The following ARHGEF7 variants were observed in gnomAD, a reference collection of about 807,000 sequenced individuals.
The protein encoded by ARHGEF7 is PAK-interacting exchange factor beta.
A neutral mutation model predicts 109.8 loss-of-function variants in ARHGEF7; 33 were observed. The ratio of observed to expected loss-of-function variants is 0.30; its 90% CI spans 0.23 to 0.40. The LOEUF (loss-of-function observed/expected upper bound fraction) is 0.40. ARHGEF7 is among the 10% of genes least tolerant of loss of function. The pLI, the probability that ARHGEF7 is intolerant of heterozygous loss-of-function variation, is 1.00. For missense variants in ARHGEF7, 938 were observed against 1,098.5 expected, an observed-to-expected ratio of 0.85 and a Z score of 2.07; for synonymous variants, 458 against 424.6, an observed-to-expected ratio of 1.08 and a Z score of -0.97.
chr13:111,142,449 T>C (rs1478373524), intron 1 of ARHGEF7, among the ~76,000 whole-genome samples: 11 of 152,286 alleles, frequency 7.2e-5, no homozygotes, highest in Admixed American at 6.5e-5. Context: ...GCTACACATC[T>C]TATTCACAAC....
rs113099879 is a variant in ARHGEF7 at position 111,244,330 on chromosome 13, T to G, written c.950+36T>G. ...TGCTAAAAATTTGCAACACTCAGGT[T>G]GGTATAATTGGTATTTAAAGGATTA... On this transcript the variant is annotated intron_variant, in intron 8 of 21. Transcript: ENST00000646102. 4.3e-4 allele frequency: 514 copies of G among 1,192,682 alleles called. 2 individuals carry two copies. In the African/African-American group the frequency reaches 6.9e-3, roughly 16 times the overall value. The allele number at this position is 1,192,682 out of a possible 1,614,324, so 73.9% of individuals were successfully genotyped here.
chr13:111,221,657 A>G (rs942993188), intron 5 of ARHGEF7, among the ~76,000 whole-genome samples: 10 of 136,034 alleles, frequency 7.4e-5, no homozygotes, highest in Non-Finnish European at 1.6e-4. Flanking sequence ...ATATATATAT[A>G]ACATGTATAT....
Position 111,206,404 on chromosome 13 carries a change from C to CTGCTGA in ARHGEF7, c.337+1041_337+1046dup, listed in dbSNP as rs2081862802. On this transcript the variant is annotated intron_variant, in intron 3 of 21. Transcript: ENST00000646102. The stretch of plus-strand genomic sequence containing the variant: ...TGCTGTCTGGAAGCTGATGCTGCTG[C>CTGCTGA]TGCTGATGCTGATGCCCCGGCGAGA... Among the ~76,000 whole-genome samples, 2 of 152,150 alleles carry CTGCTGA rather than the reference C, an allele frequency of 1.3e-5. 1 individual carries two copies. Among genetic ancestry groups the CTGCTGA allele is most frequent in the Non-Finnish European group, 2.9e-5 (2 of 68,040 alleles).
chr13:111,145,033 CT>C lies in ARHGEF7; in HGVS notation c.166-8861del, dbSNP rs5806887. Among the ~76,000 whole-genome samples, 9 of 149,052 alleles carry C rather than the reference CT, an allele frequency of 6.0e-5. No homozygotes were observed. Among genetic ancestry groups the C allele is most frequent in the East Asian group, 2.0e-4 (1 of 5,074 alleles). On this transcript the variant is annotated intron_variant, in intron 1 of 21. Coordinates refer to ENST00000646102, the MANE Select transcript of ARHGEF7 (RefSeq NM_001354046.2). This position sits in a 1 kb window ranked among gnomAD's most constrained non-coding sequence, Gnocchi z 4.3. ...AACACCTACATACATTTTCTTCTTG[CT>C]TTTTTTTTTTAAAAACACAAAAGGT...
intron 9 of ARHGEF7, among the ~76,000 whole-genome samples, chr13:111,268,542 AGCC>A (rs2091870067): frequency 6.6e-6 from 1 of 152,230 alleles, no homozygotes; most frequent in African/African-American, 2.4e-5. Context: ...TTCCACTGAA[AGCC>A]TCGTCAGTGA....
chr13:111,190,014 G>A (rs914806969), intron 2 of ARHGEF7, among the ~76,000 whole-genome samples: 1 of 152,180 alleles, frequency 6.6e-6, no homozygotes. Flanking sequence ...ACTTCCTGCT[G>A]GATAGGGATG....
chr13:111,191,767 A>G (rs1345938198), intron 2 of ARHGEF7, among the ~76,000 whole-genome samples: 1 of 152,108 alleles, frequency 6.6e-6, no homozygotes, highest in African/African-American at 2.4e-5. Context: ...GTAAATAGGA[A>G]GGTAAAGAGG....
rs1308699594 is a variant in ARHGEF7 at position 111,303,704 on chromosome 13, G to A, written c.*591G>A. The A allele has an allele frequency of 1.3e-5, 2 of 152,226 alleles. No individual in the cohort carries two copies. The highest frequency in any genetic ancestry group is 2.4e-5 in the African/African-American group (1 of 41,446). 9.4% of individuals were successfully genotyped at this position (152,226 alleles called of 1,614,324 possible). Reference sequence around the variant, plus strand: ...AGATACACTTCAGTCCCATTCAGAAGTCTTCTCTTAAAGCAGCATTACAGT... The same window carrying A: ...AGATACACTTCAGTCCCATTCAGAAATCTTCTCTTAAAGCAGCATTACAGT... On this transcript the variant is annotated 3_prime_UTR_variant, in exon 22 of 22. Coordinates refer to ENST00000646102, the MANE Select transcript of ARHGEF7 (RefSeq NM_001354046.2).
intron 13 of ARHGEF7, among the ~76,000 whole-genome samples, chr13:111,279,733 G>A (rs532051252): frequency 3.3e-5 from 5 of 152,304 alleles, no homozygotes; most frequent in East Asian, 1.9e-4. Flanking sequence ...GGGAGCACTG[G>A]TTTGCCAACC....
intron 8 of ARHGEF7, among the ~76,000 whole-genome samples, chr13:111,260,086 A>T (rs1295224064): frequency 6.6e-6 from 1 of 152,220 alleles, no homozygotes; most frequent in Non-Finnish European, 1.5e-5. Flanking sequence ...AAAGAATCAA[A>T]AACAATGAAG....
At chr13:111,221,266 T>G (rs1403463166) in intron 5 of ARHGEF7, among the ~76,000 whole-genome samples, 8 of 53,584 alleles carry the variant, frequency 1.5e-4, no homozygotes, top group South Asian at 6.6e-4. Context: ...TATATAGATA[T>G]ATATGTCTAT....
At chr13:111,174,055 A>C (rs2077863193) in intron 2 of ARHGEF7, among the ~76,000 whole-genome samples, 1 of 152,206 alleles carries the variant, frequency 6.6e-6, no homozygotes, top group South Asian at 2.1e-4. Context: ...CTCCCCCTGT[A>C]CTATTCGGAT....
intron 17 of ARHGEF7, among the ~76,000 whole-genome samples, chr13:111,287,377 C>T (rs1567092163): frequency 6.6e-6 from 1 of 152,202 alleles, no homozygotes; most frequent in Non-Finnish European, 1.5e-5. Context: ...GATCCAGGGG[C>T]AGCACTGAGC....
chr13:111,299,088 A>G (rs2093495231), intron 19 of ARHGEF7, among the ~76,000 whole-genome samples: 1 of 152,140 alleles, frequency 6.6e-6, no homozygotes, highest in Admixed American at 6.5e-5. Context: ...GATTTTGTTC[A>G]GTCCCTGAAT....
chr13:111,153,718 A>G (rs2076051888), intron 1 of ARHGEF7, 187 bp from the exon 2 acceptor site: 6 of 1,324,372 alleles, frequency 4.5e-6, no homozygotes, highest in East Asian at 3.3e-5. Context: ...AGGAAGAAAA[A>G]AGGGTGAGGA....
At chr13:111,141,973 A>G (rs756605065) in intron 1 of ARHGEF7, among the ~76,000 whole-genome samples, 4 of 152,224 alleles carry the variant, frequency 2.6e-5, no homozygotes, top group Non-Finnish European at 5.9e-5. Context: ...ACTGCTCCAC[A>G]TTCTTGCCAG....
chr13:111,224,789 G>C (rs2084962728), intron 5 of ARHGEF7, among the ~76,000 whole-genome samples: 1 of 152,200 alleles, frequency 6.6e-6, no homozygotes. Context: ...AAGGACAAAA[G>C]TACCCCAGAA....
chr13:111,214,621 C>T (rs2082896481), intron 4 of ARHGEF7, among the ~76,000 whole-genome samples: 1 of 152,186 alleles, frequency 6.6e-6, no homozygotes. Context: ...GCAAGGAACA[C>T]GTGACAGTTT....
chr13:111,283,025 GTTTA>G, intron 15 of ARHGEF7, 110 bp from the exon 16 acceptor site: 1 of 1,300,232 alleles, frequency 7.7e-7, no homozygotes. Context: ...AAATCCTGAG[GTTTA>G]TTTCACATGG....
Sources: gnomAD v4.1 joint callset for allele counts (sites outside exome capture counted in the v4.1 genomes callset) on GRCh38, gnomAD v4.1.1 for gene constraint, Gnocchi (gnomAD v3.1) non-coding constraint, MANE v1.5 for transcripts, NCBI Gene and HGNC (gene_info 2026-07-23, HGNC 2026-07-21) for gene names.